CDCA2: variants seen among roughly 807,000 people sequenced by gnomAD.
The protein encoded by CDCA2 is cell division cycle associated 2.
Under a neutral mutation model 67.0 loss-of-function variants are expected in CDCA2, and 44 were observed. The observed-to-expected ratio is 0.66, with a 90% CI of 0.52 to 0.84. The LOEUF (loss-of-function observed/expected upper bound fraction) is 0.84. Among genes scored for constraint, CDCA2 ranks in the 40% least tolerant of loss-of-function variants. The pLI is 0.00. For missense variants in CDCA2, 1,253 were observed against 1,203.2 expected (o/e 1.04, Z -0.61); for synonymous variants, 447 against 418.7 (o/e 1.07, Z -0.82).
chr8:25,501,961 G>C (rs565032835), intron 13 of CDCA2, among the ~76,000 whole-genome samples: 1 of 152,142 alleles, frequency 6.6e-6, no homozygotes, highest in Non-Finnish European at 1.5e-5. Context: ...GCAGTGGCGC[G>C]ATCTCGGCTC....
intron 7 of CDCA2, among the ~76,000 whole-genome samples, chr8:25,475,615 C>G (rs570420627): frequency 2.6e-4 from 39 of 152,222 alleles, no homozygotes; most frequent in Admixed American, 2.5e-3. Flanking sequence ...CCTCTGTGGG[C>G]AATCACTGAC....
At position 25,488,605 on chromosome 8, in the gene CDCA2, T is replaced by TTA; in HGVS notation, c.1587_1588insTA (p.Gln530TyrfsTer31). 1 of 1,613,310 alleles carries TTA rather than the reference T, an allele frequency of 6.2e-7. No individual in the cohort carries two copies. The highest frequency in any genetic ancestry group is 1.7e-5 in the Admixed American group (1 of 59,914). ...TTTGCAACTTATTGAATACAGAAGT[T>TTA]CAGCCTTGTAAAGAAAAGAAAATTA... is the stretch of plus-strand genomic sequence containing the variant. On this transcript the variant is annotated frameshift_variant, in exon 13 of 15. Transcript: ENST00000330560. LOFTEE classifies it high-confidence loss of function.
intron 7 of CDCA2, among the ~76,000 whole-genome samples, chr8:25,473,196 A>C (rs1803225714): frequency 6.6e-6 from 1 of 152,234 alleles, no homozygotes; most frequent in East Asian, 1.9e-4. Context: ...CCTCGCTTTT[A>C]GGGTTAAATA....
chr8:25,495,204 A>C (rs1004089662), intron 13 of CDCA2, among the ~76,000 whole-genome samples: 1 of 152,186 alleles, frequency 6.6e-6, no homozygotes, highest in Non-Finnish European at 1.5e-5. Flanking sequence ...TGTGAATGCA[A>C]GCTAGACTTC....
intron 13 of CDCA2, among the ~76,000 whole-genome samples, chr8:25,488,906 G>A (rs186249973): frequency 2.8e-4 from 42 of 152,122 alleles, no homozygotes; most frequent in African/African-American, 7.0e-4. Context: ...CTTGTGTTGC[G>A]TACTTCCTGC....
At chr8:25,495,339 A>G (rs908421190) in intron 13 of CDCA2, among the ~76,000 whole-genome samples, 1 of 152,178 alleles carries the variant, frequency 6.6e-6, no homozygotes, top group African/African-American at 2.4e-5. Flanking sequence ...AAATTTGACA[A>G]ATTCTTACTA....
In CDCA2 at chr8:25,503,552, G is replaced by C; in HGVS notation, c.1843+8G>C. The C allele has an allele frequency of 6.3e-7, 1 of 1,583,084 alleles. No individual in the cohort carries two copies. Among genetic ancestry groups the C allele is most frequent in the Non-Finnish European group, 8.5e-7 (1 of 1,170,474 alleles). ...TCCGAAGACTGGGTTCAGGTATCCT[G>C]ACATTTTCCTGGTAGTTATATTTTA... On this transcript the variant is annotated splice_region_variant and intron_variant, in intron 14 of 14. Transcript: ENST00000330560.
chr8:25,507,506 A>T lies in CDCA2; in HGVS notation c.2840A>T (p.Lys947Ile). ...AAAGAAACTGTGTCCTCCAGACAAA[A>T]ACCGCAGATGGCACCTCCCGTCTCA... ...PIKETVSSRQKPQMAPPVSDP... is the reference protein window; with the variant it reads ...PIKETVSSRQIPQMAPPVSDP... The change falls in exon 15 of 15, where the codon AAA (lysine) becomes ATA (isoleucine). Residue 947 changes from lysine to isoleucine, a missense_variant. Transcript: ENST00000330560. 1.2e-6 allele frequency: 2 copies of T among 1,613,806 alleles called. No homozygotes were observed. Among genetic ancestry groups the T allele is most frequent in the South Asian group, 2.2e-5 (2 of 91,000 alleles).
chr8:25,468,582 C>G (rs1485417784), intron 6 of CDCA2, among the ~76,000 whole-genome samples, 169 bp downstream of exon 6: 1 of 108,186 alleles, frequency 9.2e-6, no homozygotes, highest in Non-Finnish European at 2.1e-5. Flanking sequence ...TGTTTCCTAC[C>G]TGTTAATTTT....
rs1191916220 is a variant in CDCA2 at position 25,460,263 on chromosome 8, G to C, written c.24G>C (p.Lys8Asn). 5.0e-6 allele frequency: 8 copies of C among 1,614,028 alleles called. No individual in the cohort carries two copies. Reference protein sequence around the residue: MDANSKDKPPETKESAMN... With the variant: MDANSKDNPPETKESAMN... ...AGATGGATGCCAATTCAAAAGACAAGCCCCCTGAAACCAAGGAGTCTGCAA... is the reference window on the plus strand; with the variant it reads ...AGATGGATGCCAATTCAAAAGACAACCCCCCTGAAACCAAGGAGTCTGCAA... Residue 8 changes from lysine (K) to asparagine (N), a missense_variant, in exon 2 of 15, where the codon AAG (lysine) becomes AAC (asparagine). Physicochemically the swap from Lys to Asn is moderately conservative, Grantham distance 94. Coordinates refer to ENST00000330560, the MANE Select transcript of CDCA2 (RefSeq NM_152562.4).
At chr8:25,469,330 C>T (rs901045598) in intron 6 of CDCA2, among the ~76,000 whole-genome samples, 3 of 152,178 alleles carry the variant, frequency 2.0e-5, no homozygotes, top group Non-Finnish European at 2.9e-5. Context: ...CGGCTGCCTC[C>T]GCCCTTTTCA....
chr8:25,458,938 T>G (rs1317366766), upstream of CDCA2: 2 of 152,362 alleles, frequency 1.3e-5, no homozygotes, highest in East Asian at 3.9e-4. Context: ...AATAGAAAGG[T>G]GGGAGGCGGA....
At position 25,507,868 on chromosome 8, in the gene CDCA2, G is replaced by C. The variant is rs945999106; in HGVS notation, c.*130G>C. ...CCTAATAAATAAACTCATTTGAGTT[G>C]AACCTACTTTTATGTAGAAATAAAT... On this transcript the variant is annotated 3_prime_UTR_variant, in exon 15 of 15. Transcript: ENST00000330560. 7.2e-6 allele frequency: 6 copies of C among 838,576 alleles called. No homozygotes were observed. In the Admixed American group the frequency reaches 1.0e-4, roughly 14 times the overall value. 51.9% of individuals were successfully genotyped at this position (838,576 alleles called of 1,614,324 possible).
At chr8:25,504,434 A>C (rs1264664716) in intron 14 of CDCA2, among the ~76,000 whole-genome samples, 1 of 152,152 alleles carries the variant, frequency 6.6e-6, no homozygotes, top group Non-Finnish European at 1.5e-5. Flanking sequence ...TCTTGCCTGA[A>C]AATGATAATG....
chr8:25,505,046 C>T lies in CDCA2; in HGVS notation c.1844-1464C>T, dbSNP rs543735869. On this transcript the variant is annotated intron_variant, in intron 14 of 14. Transcript: ENST00000330560. The stretch of plus-strand genomic sequence containing the variant: ...ACCTAAAGCATTTTTTGTCTGTAAC[C>T]AGTGGTATCACCTGCTACATGGGTT... 2.6e-5 allele frequency among the ~76,000 whole-genome samples: 4 copies of T among 152,186 alleles called. No homozygotes were observed. The East Asian group carries it at 7.7e-4, about 29-fold the overall frequency.
chr8:25,469,096 T>G (rs1803050970), intron 6 of CDCA2, among the ~76,000 whole-genome samples: 1 of 152,236 alleles, frequency 6.6e-6, no homozygotes, highest in Non-Finnish European at 1.5e-5. Context: ...CTTTTCTTAC[T>G]TCATGCTTCT....
intron 13 of CDCA2, among the ~76,000 whole-genome samples, chr8:25,493,051 C>A (rs1430626297): frequency 6.6e-6 from 1 of 152,116 alleles, no homozygotes; most frequent in East Asian, 1.9e-4. Context: ...TTAATGAATT[C>A]ATGCATGCTC....
At chr8:25,461,658 A>G (rs1350586060) in intron 3 of CDCA2, among the ~76,000 whole-genome samples, 3 of 152,212 alleles carry the variant, frequency 2.0e-5, no homozygotes, top group Non-Finnish European at 4.4e-5. Context: ...CTGAGACTGC[A>G]TGTACCTAGG....
chr8:25,487,882 G>A (rs1295978529), intron 12 of CDCA2, among the ~76,000 whole-genome samples: 2 of 152,164 alleles, frequency 1.3e-5, no homozygotes, highest in East Asian at 1.9e-4. Context: ...AACAAAATTT[G>A]TTTGGGATCT....
Sources: allele counts gnomAD v4.1 joint callset (sites outside exome capture counted in the v4.1 genomes callset), GRCh38; gene constraint gnomAD v4.1.1; transcripts MANE v1.5; gene names NCBI Gene and HGNC (gene_info 2026-07-23, HGNC 2026-07-21).